Variants in KIAA1958 observed in about 807,000 individuals in gnomAD.
KIAA1958 encodes the protein uncharacterized protein KIAA1958.
KIAA1958 carries 14 observed loss-of-function variants against 47.2 expected under a neutral mutation model. That is an observed-to-expected ratio of 0.30 (90% CI 0.20 to 0.46). KIAA1958 has a LOEUF of 0.46. Ranked by LOEUF, KIAA1958 falls within the 20% of genes least tolerant of loss-of-function variation. The pLI is 1.00. For missense variants in KIAA1958, 803 were observed against 909.2 expected (o/e 0.88, Z 1.50); for synonymous variants, 354 against 353.3 (o/e 1.00, Z -0.02).
chr9:112,556,803 C>G (rs1835249599), intron 1 of KIAA1958, among the ~76,000 whole-genome samples: 1 of 152,138 alleles, frequency 6.6e-6, no homozygotes, highest in South Asian at 2.1e-4. Flanking sequence ...TAATGTAATC[C>G]TGAATGGGCA....
intron 1 of KIAA1958, among the ~76,000 whole-genome samples, chr9:112,504,312 G>A (rs1834196928): frequency 1.3e-5 from 2 of 151,466 alleles, no homozygotes; most frequent in African/African-American, 4.9e-5. Context: ...TCAGCCTCCC[G>A]AGTAGCTGGA....
chr9:112,487,908 G>A (rs1833893668), intron 1 of KIAA1958, among the ~76,000 whole-genome samples: 1 of 149,656 alleles, frequency 6.7e-6, no homozygotes, highest in Non-Finnish European at 1.5e-5. Context: ...AATGAACGTG[G>A]CTGTGATTTT....
Position 112,574,739 on chromosome 9 carries a change from C to T in KIAA1958, c.659C>T (p.Thr220Ile). The change falls in exon 2 of 4, where the codon ACA becomes ATA. Residue 220 changes from threonine (T) to isoleucine (I), a missense_variant. By Grantham distance (89) the Thr-to-Ile change is moderately conservative (BLOSUM62 -1). Transcript: ENST00000337530. ...TACATTGTGGCAAATGCAGAACTGA[C>T]AGGAGGAGTAGATGGACCAGCCCTG... is the stretch of plus-strand genomic sequence containing the variant. ...DYYIVANAEL[T>I]GGVDGPALSL... 6.2e-7 allele frequency: 1 copy of T among 1,614,152 alleles called. No homozygotes were observed. The highest frequency in any genetic ancestry group is 1.6e-4 in the Middle Eastern group (1 of 6,062).
chr9:112,572,708 A>G lies in KIAA1958; in HGVS notation c.-24-1349A>G, dbSNP rs549408057. 2.6e-3 allele frequency among the ~76,000 whole-genome samples: 390 copies of G among 152,340 alleles called. 5 individuals carry two copies. The highest frequency in any genetic ancestry group is 8.9e-3 in the African/African-American group (371 of 41,580). On this transcript the variant is annotated intron_variant, in intron 1 of 3. Coordinates refer to ENST00000337530, the MANE Select transcript of KIAA1958 (RefSeq NM_133465.4). ...CAAGCCAAAGAATCAGATTCTCACC[A>G]GTAGGGGGTTTAGAGAAGAGGGGAC...
At chr9:112,522,320 T>C (rs1015475807) in intron 1 of KIAA1958, among the ~76,000 whole-genome samples, 1 of 152,236 alleles carries the variant, frequency 6.6e-6, no homozygotes, top group African/African-American at 2.4e-5. Context: ...TGCTATCCTC[T>C]AGTATTTCAT....
intron 1 of KIAA1958, among the ~76,000 whole-genome samples, chr9:112,532,676 T>C (rs1204443911): frequency 6.6e-6 from 1 of 152,248 alleles, no homozygotes; most frequent in East Asian, 1.9e-4. Flanking sequence ...TCAAGTCGTC[T>C]CATTTCATGG....
At position 112,664,691 on chromosome 9, in the gene KIAA1958, C is replaced by G. The variant is rs1375654119; in HGVS notation, c.*4622C>G. 1.3e-5 allele frequency: 2 copies of G among 152,124 alleles called. No individual in the cohort carries two copies. The highest frequency in any genetic ancestry group is 4.8e-5 in the African/African-American group (2 of 41,430). 9.4% of individuals were successfully genotyped at this position (152,124 alleles called of 1,614,324 possible). On this transcript the variant is annotated 3_prime_UTR_variant, in exon 4 of 4. Coordinates refer to ENST00000337530, the MANE Select transcript of KIAA1958 (RefSeq NM_133465.4). ...GTAGGCAGTGTTCCTCAGTAAAAAT[C>G]TTTGTTGCATTTTCCCATATAAATG...
Position 112,668,153 on chromosome 9 carries a change from C to T in KIAA1958, c.*8084C>T, listed in dbSNP as rs879380386. ...TCCACTGCTTCCAAGTGAGAAAAGC[C>T]AAGGAGTCCCCTGCGTTGGGGGTGT... On this transcript the variant is annotated 3_prime_UTR_variant, in exon 4 of 4. Transcript: ENST00000337530. 3.9e-5 allele frequency: 4 copies of T among 103,544 alleles called. No individual in the cohort carries two copies. Among genetic ancestry groups the T allele is most frequent in the African/African-American group, 4.5e-5 (1 of 22,218 alleles). 6.4% of individuals were successfully genotyped at this position (103,544 alleles called of 1,614,324 possible). A position where few individuals can be genotyped will look rare whatever the true frequency, so the allele number is the denominator to read the frequency against.
rs1234423390 is a variant in KIAA1958, at chr9:112,536,638, T to C, written c.-24-37419T>C. Among the ~76,000 whole-genome samples the C allele has an allele frequency of 5.9e-5, 9 of 152,198 alleles. No individual in the cohort carries two copies. The South Asian group carries it at 1.2e-3, about 21-fold the overall frequency. On this transcript the variant is annotated intron_variant, in intron 1 of 3. Transcript: ENST00000337530. ...TGGGAAAAAAATAAATGGATACTAC[T>C]TGGGCGTGGTGGTGCATGTCTGTAG...
chr9:112,635,032 C>T (rs1440654595), intron 2 of KIAA1958, among the ~76,000 whole-genome samples: 1 of 151,994 alleles, frequency 6.6e-6, no homozygotes, highest in Non-Finnish European at 1.5e-5. Flanking sequence ...TTTATGAGCT[C>T]AGTTGGCCTA....
chr9:112,652,307 T>C (rs1054436393), intron 3 of KIAA1958, among the ~76,000 whole-genome samples: 6 of 152,242 alleles, frequency 3.9e-5, no homozygotes, highest in Admixed American at 3.9e-4. Context: ...TCAGAATGGT[T>C]ACTAAAGGAA....
Position 112,652,791 on chromosome 9 carries a change from T to C in KIAA1958, c.1345-6472T>C, listed in dbSNP as rs553888756. ...TGTACACCACCATGCCTGGCTAATT[T>C]TTGTAATTTTTGGAGAGATGAGGTT... On this transcript the variant is annotated intron_variant, in intron 3 of 3. Transcript: ENST00000337530. Among the ~76,000 whole-genome samples, 5 of 152,210 alleles carry C rather than the reference T, an allele frequency of 3.3e-5. No homozygotes were observed. In the South Asian group the frequency reaches 1.0e-3, roughly 32 times the overall value.
At chr9:112,576,950 C>T (rs1835656225) in intron 2 of KIAA1958, among the ~76,000 whole-genome samples, 1 of 152,166 alleles carries the variant, frequency 6.6e-6, no homozygotes, top group African/African-American at 2.4e-5. Flanking sequence ...CATCATTGTA[C>T]AGCCTCACTA....
At chr9:112,516,535 T>C (rs948382564) in intron 1 of KIAA1958, among the ~76,000 whole-genome samples, 2 of 152,234 alleles carry the variant, frequency 1.3e-5, no homozygotes, top group Non-Finnish European at 2.9e-5. Flanking sequence ...TTTCCTCAAC[T>C]TGATCTGTAG....
chr9:112,627,780 G>A (rs1836642849), intron 2 of KIAA1958, among the ~76,000 whole-genome samples: 1 of 152,148 alleles, frequency 6.6e-6, no homozygotes, highest in South Asian at 2.1e-4. Flanking sequence ...AGAATATTCA[G>A]TAATTTTATT....
chr9:112,640,640 C>A (rs1836875796), intron 2 of KIAA1958, among the ~76,000 whole-genome samples: 1 of 152,108 alleles, frequency 6.6e-6, no homozygotes, highest in Non-Finnish European at 1.5e-5. Flanking sequence ...TGCAGCTCTG[C>A]AAATGCCTTA....
chr9:112,595,382 C>T lies in KIAA1958; in HGVS notation c.1171+20131C>T, dbSNP rs149675144. Among the ~76,000 whole-genome samples the T allele has an allele frequency of 5.8e-3, 890 of 152,148 alleles. 13 individuals carry two copies. Among genetic ancestry groups the T allele is most frequent in the African/African-American group, 0.021 (857 of 41,508 alleles). Reference sequence around the variant, plus strand: ...ATTTAATCTAAGAAATTAAGCTGGCCGGGTGCAGTGGCTCACACCTGTAAT... The same window carrying T: ...ATTTAATCTAAGAAATTAAGCTGGCTGGGTGCAGTGGCTCACACCTGTAAT... On this transcript the variant is annotated intron_variant, in intron 2 of 3. Coordinates refer to ENST00000337530, the MANE Select transcript of KIAA1958 (RefSeq NM_133465.4).
chr9:112,607,023 G>A (rs943387378), intron 2 of KIAA1958, among the ~76,000 whole-genome samples: 1 of 152,154 alleles, frequency 6.6e-6, no homozygotes, highest in African/African-American at 2.4e-5. Context: ...AAGAAGGGGT[G>A]CTGAATGCAG....
intron 3 of KIAA1958, among the ~76,000 whole-genome samples, chr9:112,647,814 T>C (rs888642841): frequency 6.6e-6 from 1 of 152,198 alleles, no homozygotes; most frequent in Non-Finnish European, 1.5e-5. Context: ...GGAGGCAATT[T>C]CTGAACTGCA....
Sources: allele counts gnomAD v4.1 joint callset (sites outside exome capture counted in the v4.1 genomes callset), GRCh38; gene constraint gnomAD v4.1.1; transcripts MANE v1.5; gene names NCBI Gene and HGNC (gene_info 2026-07-23, HGNC 2026-07-21).